Variants in DKK2 observed in about 807,000 individuals in gnomAD.
DKK2 encodes the protein dickkopf Wnt signaling pathway inhibitor 2.
In DKK2, 11 loss-of-function variants were observed where a neutral mutation model predicts 28.1. The ratio of observed to expected loss-of-function variants is 0.39; its 90% confidence interval spans 0.25 to 0.65. The LOEUF (loss-of-function observed/expected upper bound fraction) is 0.65, where lower values mean the gene tolerates loss of function less well. Among genes scored for constraint, DKK2 ranks in the 30% least tolerant of loss-of-function variants. The pLI is 0.47. For synonymous variants in DKK2, 135 were observed against 126.5 expected (o/e 1.07, Z -0.45); for missense variants, 326 against 335.5 (o/e 0.97, Z 0.22).
At position 106,922,419 on chromosome 4, in the gene DKK2, T is replaced by A. The variant is rs1724359343; in HGVS notation, c.*1535A>T. On this transcript the variant is annotated 3_prime_UTR_variant, in exon 4 of 4. Coordinates refer to ENST00000285311, the MANE Select transcript of DKK2 (RefSeq NM_014421.3). The stretch of plus-strand genomic sequence containing the variant: ...AAGTTTAAAAAAAGTAGTAAAGTGG[T>A]TTCAAAGAATTTAGAAACTGTGGTG... 6 of 152,148 alleles carry A rather than the reference T, an allele frequency of 3.9e-5. No homozygotes were observed. The highest frequency in any genetic ancestry group is 3.9e-4 in the Admixed American group (6 of 15,246). 9.4% of individuals were successfully genotyped at this position (152,148 alleles called of 1,614,324 possible). A position where few individuals can be genotyped will look rare whatever the true frequency, so the allele number is the denominator to read the frequency against.
rs200497932 is a variant in DKK2, at chr4:107,035,554, C to A, written c.38G>T (p.Cys13Phe). The change falls in exon 1 of 4, where the codon TGC becomes TTC. Residue 13 changes from cysteine (C) to phenylalanine (F), a missense_variant. By Grantham distance (205) the Cys-to-Phe change is radical. Transcript: ENST00000285311. ...ALMRSKDSSC[C>F]LLLLAAVLMV... Reference sequence around the variant, plus strand: ...CAGCACCGCGGCCAGTAGGAGCAGGCAGCAGGACGAATCCTTGCTCCGCAT... The same window carrying A: ...CAGCACCGCGGCCAGTAGGAGCAGGAAGCAGGACGAATCCTTGCTCCGCAT... The A allele has an allele frequency of 6.2e-7, 1 of 1,614,194 alleles. No individual in the cohort carries two copies. The highest frequency in any genetic ancestry group is 2.2e-5 in the East Asian group (1 of 44,858).
intron 1 of DKK2, 132 bp from the exon 2 acceptor site, chr4:106,926,081 T>A: frequency 1.0e-6 from 1 of 988,422 alleles, no homozygotes. Context: ...ACCATCATCA[T>A]AATGTTCTGA....
At chr4:106,949,677 GA>G (rs1724829705) in intron 1 of DKK2, among the ~76,000 whole-genome samples, 1 of 152,004 alleles carries the variant, frequency 6.6e-6, no homozygotes, top group South Asian at 2.1e-4. Context: ...TGGAATGAAG[GA>G]AATCAGCTTT....
At chr4:106,953,947 G>A (rs1445748116) in intron 1 of DKK2, among the ~76,000 whole-genome samples, 1 of 152,162 alleles carries the variant, frequency 6.6e-6, no homozygotes, top group Non-Finnish European at 1.5e-5. Flanking sequence ...CCAGGTCTTA[G>A]ACCAAGTATG....
At chr4:107,011,526 T>C (rs1723517351) in intron 1 of DKK2, among the ~76,000 whole-genome samples, 1 of 151,652 alleles carries the variant, frequency 6.6e-6, no homozygotes. Flanking sequence ...TATTGCACAA[T>C]TATATTTTGG....
intron 1 of DKK2, among the ~76,000 whole-genome samples, chr4:107,000,374 T>C (rs1220471598): frequency 6.6e-6 from 1 of 152,188 alleles, no homozygotes; most frequent in African/African-American, 2.4e-5. Flanking sequence ...TTGGACAAAA[T>C]GATTATGGGT....
rs528938529 is a variant in DKK2 at position 106,941,455 on chromosome 4, T to A, written c.223-15506A>T. Among the ~76,000 whole-genome samples the A allele has an allele frequency of 3.2e-4, 49 of 152,280 alleles. No individual in the cohort carries two copies. The South Asian group carries it at 9.7e-3, about 30-fold the overall frequency. On this transcript the variant is annotated intron_variant, in intron 1 of 3. Transcript: ENST00000285311. ...CTGTATGCCTTCCCATTTTCCAGCC[T>A]GATTCCTTCTCTAGGTATCTCAGGC...
chr4:106,998,360 T>C (rs1192252050), intron 1 of DKK2, among the ~76,000 whole-genome samples: 1 of 152,148 alleles, frequency 6.6e-6, no homozygotes, highest in Non-Finnish European at 1.5e-5. Context: ...TTTCCACATT[T>C]CTCTATCAAA....
intron 1 of DKK2, among the ~76,000 whole-genome samples, chr4:106,931,059 G>A (rs1055341901): frequency 4.6e-5 from 7 of 152,186 alleles, no homozygotes; most frequent in Non-Finnish European, 1.0e-4. Flanking sequence ...TGCAGGAGGT[G>A]CAGGGACTTA....
chr4:107,027,644 T>C (rs2110376447), intron 1 of DKK2, among the ~76,000 whole-genome samples: 1 of 152,286 alleles, frequency 6.6e-6, no homozygotes, highest in African/African-American at 2.4e-5. Context: ...TATCTCACTT[T>C]GGAAAATATC....
At chr4:107,021,814 C>T (rs1723696991) in intron 1 of DKK2, among the ~76,000 whole-genome samples, 1 of 151,848 alleles carries the variant, frequency 6.6e-6, no homozygotes, top group Admixed American at 6.6e-5. Flanking sequence ...GACATCAATT[C>T]TTTACAATGT....
intron 1 of DKK2, among the ~76,000 whole-genome samples, chr4:107,012,549 A>AT (rs1723531760): frequency 6.6e-6 from 1 of 151,244 alleles, no homozygotes. Flanking sequence ...AAAATAGGAT[A>AT]TTTTCAAAGA....
Position 106,925,942 on chromosome 4 carries a change from G to A in DKK2, c.230C>T (p.Pro77Leu). Residue 77 changes from proline (P) to leucine (L), a missense_variant, in exon 2 of 4, where the codon CCT becomes CTT. By Grantham distance (98) the Pro-to-Leu change is moderately conservative. Coordinates refer to ENST00000285311, the MANE Select transcript of DKK2 (RefSeq NM_014421.3). ...KKGKNLGQAY[P>L]CSSDKECEVG... ...TTCACACTCCTTATCACTGCTACAA[G>A]GGTAGGCCTGTCATCAAGTGGAACA... 6.2e-7 allele frequency: 1 copy of A among 1,602,494 alleles called. No homozygotes were observed. Among genetic ancestry groups the A allele is most frequent in the African/African-American group, 1.4e-5 (1 of 74,064 alleles).
At position 106,923,958 on chromosome 4, in the gene DKK2, A is replaced by G; in HGVS notation, c.776T>C (p.Ile259Thr). ...GATGATGTTCCTCAATGGTGATCAA[A>G]TTTTCTGACACACATGGAGTCTGGC... ...SKARLHVCQKI is the reference protein window; with the variant it reads ...SKARLHVCQKT The change falls in exon 4 of 4, where the codon ATT (isoleucine) becomes ACT (threonine). Residue 259 changes from isoleucine (I) to threonine (T), a missense_variant. By Grantham distance (89) the Ile-to-Thr change is moderately conservative. Coordinates refer to ENST00000285311, the MANE Select transcript of DKK2 (RefSeq NM_014421.3). 6.2e-7 allele frequency: 1 copy of G among 1,613,166 alleles called. No individual in the cohort carries two copies. Among genetic ancestry groups the G allele is most frequent in the Non-Finnish European group, 8.5e-7 (1 of 1,179,204 alleles).
chr4:106,986,273 C>T (rs1197781836), intron 1 of DKK2, among the ~76,000 whole-genome samples: 2 of 152,110 alleles, frequency 1.3e-5, no homozygotes, highest in Admixed American at 6.5e-5. Flanking sequence ...CTCTAGTTCC[C>T]TCCTTCTTCA....
chr4:106,963,220 GC>G, intron 1 of DKK2, among the ~76,000 whole-genome samples: 1 of 151,796 alleles, frequency 6.6e-6, no homozygotes, highest in African/African-American at 2.4e-5. Flanking sequence ...GGGCGTGGTG[GC>G]AGGCACCTGT....
chr4:107,005,901 G>A (rs1468682133), intron 1 of DKK2, among the ~76,000 whole-genome samples: 2 of 152,136 alleles, frequency 1.3e-5, no homozygotes, highest in Non-Finnish European at 2.9e-5. Flanking sequence ...AGAGCAGTGG[G>A]TTTCTAGATC....
chr4:106,957,673 T>C (rs1297044126), intron 1 of DKK2, among the ~76,000 whole-genome samples: 1 of 143,086 alleles, frequency 7.0e-6, no homozygotes, highest in East Asian at 2.1e-4. Flanking sequence ...AAACACCACA[T>C]GTTCTCACTC....
At chr4:106,959,512 T>C (rs975259017) in intron 1 of DKK2, among the ~76,000 whole-genome samples, 1 of 152,094 alleles carries the variant, frequency 6.6e-6, no homozygotes, top group African/African-American at 2.4e-5. Flanking sequence ...TTTCAAATAT[T>C]GCCTAAGAGG....
Sources: allele counts gnomAD v4.1 joint callset (sites outside exome capture counted in the v4.1 genomes callset), GRCh38; gene constraint gnomAD v4.1.1; transcripts MANE v1.5; gene names NCBI Gene and HGNC (gene_info 2026-07-23, HGNC 2026-07-21).